MAF: variants seen among roughly 807,000 people sequenced by gnomAD.
MAF encodes MAF bZIP transcription factor.
Under a neutral mutation model 22.0 loss-of-function variants are expected in MAF, and 10 were observed. That is an observed-to-expected ratio of 0.45 (90% CI 0.28 to 0.77). The LOEUF (loss-of-function observed/expected upper bound fraction) is 0.77. Among genes scored for constraint, MAF ranks in the 30% least tolerant of loss-of-function variants. The pLI, the probability that MAF is intolerant of heterozygous loss-of-function variation, is 0.12. For missense variants in MAF, 544 were observed against 548.4 expected (o/e 0.99, Z 0.08); for synonymous variants, 337 against 255.8 (o/e 1.32, Z -3.03).
chr16:79,376,525 T>A, the MAF span, among the ~76,000 whole-genome samples: 4 of 152,238 alleles, frequency 2.6e-5, no homozygotes, highest in South Asian at 2.1e-4. Flanking sequence ...TATTTTATTT[T>A]TTTTCTTTTT....
the MAF span, among the ~76,000 whole-genome samples, chr16:79,368,954 T>C: frequency 6.6e-6 from 1 of 152,246 alleles, no homozygotes. Context: ...AGTTGTTTTT[T>C]GTTGTTTTGC....
the MAF span, among the ~76,000 whole-genome samples, chr16:79,540,064 C>T: frequency 4.6e-5 from 7 of 151,976 alleles, no homozygotes; most frequent in Non-Finnish European, 8.8e-5. Context: ...GCTGTCCCTG[C>T]TAAGGGGAAG....
the MAF span, among the ~76,000 whole-genome samples, chr16:79,316,605 C>T: frequency 6.6e-6 from 1 of 152,176 alleles, no homozygotes; most frequent in Admixed American, 6.5e-5. Context: ...CAGTCACTCC[C>T]CTTGAGTGTC....
chr16:79,440,579 G>A, the MAF span, among the ~76,000 whole-genome samples: 6 of 152,238 alleles, frequency 3.9e-5, no homozygotes, highest in African/African-American at 1.4e-4. Context: ...GGAACTACAG[G>A]TATGCGCCAC....
At chr16:79,227,411 G>C in the MAF span, among the ~76,000 whole-genome samples, 2 of 152,096 alleles carry the variant, frequency 1.3e-5, no homozygotes, top group Non-Finnish European at 2.9e-5. Flanking sequence ...TTTCATTGCT[G>C]TGTGTGTATG....
At chr16:79,483,464 A>T in the MAF span, among the ~76,000 whole-genome samples, 1 of 151,060 alleles carries the variant, frequency 6.6e-6, no homozygotes, top group Non-Finnish European at 1.5e-5. Context: ...CCATGCTGGC[A>T]TGGAGTGGAC....
chr16:79,445,851 G>A, the MAF span, among the ~76,000 whole-genome samples: 29 of 152,150 alleles, frequency 1.9e-4, no homozygotes, highest in African/African-American at 6.8e-4. Context: ...TTTCAAACCA[G>A]CTTTTAGCCT....
chr16:79,357,318 C>T, the MAF span, among the ~76,000 whole-genome samples: 57,293 of 150,492 alleles, frequency 0.38, 12,282 homozygotes, highest in Non-Finnish European at 0.51. Context: ...CCTGTGGTGG[C>T]GGGCGCCTGT....
the MAF span, among the ~76,000 whole-genome samples, chr16:79,479,244 T>G: frequency 1.2e-4 from 19 of 152,364 alleles, 1 homozygote; most frequent in African/African-American, 4.6e-4. Context: ...AGCCTACCTG[T>G]GTCATACCTT....
At chr16:79,313,393 C>G in the MAF span, among the ~76,000 whole-genome samples, 1 of 152,200 alleles carries the variant, frequency 6.6e-6, no homozygotes, top group African/African-American at 2.4e-5. Context: ...ACTAGACCCT[C>G]TCAACAGTAA....
chr16:79,316,422 C>A, the MAF span, among the ~76,000 whole-genome samples: 1 of 152,208 alleles, frequency 6.6e-6, no homozygotes, highest in African/African-American at 2.4e-5. Context: ...TGCCTCCTCC[C>A]TGACATACAC....
At chr16:79,299,675 G>A in the MAF span, among the ~76,000 whole-genome samples, 5 of 152,082 alleles carry the variant, frequency 3.3e-5, no homozygotes, top group Admixed American at 6.5e-5. Context: ...CAGTGACATG[G>A]CACAGTGACA....
At chr16:79,207,370 C>A in the MAF span, among the ~76,000 whole-genome samples, 3 of 152,252 alleles carry the variant, frequency 2.0e-5, no homozygotes, top group African/African-American at 7.2e-5. Context: ...TTCAGATCAC[C>A]ACTTTGTCCT....
chr16:79,557,959 C>T, the MAF span, among the ~76,000 whole-genome samples: 1 of 151,080 alleles, frequency 6.6e-6, no homozygotes, highest in Non-Finnish European at 1.5e-5. Flanking sequence ...ATGGGTGCTT[C>T]AGGGAAGGGC....
intron 1 of MAF, chr16:79,596,059 G>C (rs1052917999): frequency 7.2e-5 from 76 of 1,061,974 alleles, no homozygotes; most frequent in Non-Finnish European, 8.7e-5. Flanking sequence ...GGCAAGCGCT[G>C]TTTCTCTTTA....
At chr16:79,416,737 T>G in the MAF span, among the ~76,000 whole-genome samples, 1 of 152,218 alleles carries the variant, frequency 6.6e-6, no homozygotes, top group African/African-American at 2.4e-5. Flanking sequence ...TAGAAGACCC[T>G]GCTGACCAGA....
At chr16:79,235,964 A>C in the MAF span, among the ~76,000 whole-genome samples, 4 of 151,962 alleles carry the variant, frequency 2.6e-5, no homozygotes, top group South Asian at 2.1e-4. Context: ...TTCTCTCCTA[A>C]AATTGTTCTC....
chr16:79,562,611 G>A, the MAF span, among the ~76,000 whole-genome samples: 26,258 of 152,150 alleles, frequency 0.17, 2,824 homozygotes, highest in Non-Finnish European at 0.24. Context: ...ACAGACCTAA[G>A]AACACAAATT....
At chr16:79,401,983 G>T in the MAF span, among the ~76,000 whole-genome samples, 1 of 152,196 alleles carries the variant, frequency 6.6e-6, no homozygotes, top group African/African-American at 2.4e-5. Flanking sequence ...TTTTATAGAT[G>T]AGGACCCTGA....
Sources: allele counts gnomAD v4.1 joint callset (sites outside exome capture counted in the v4.1 genomes callset), GRCh38; gene constraint gnomAD v4.1.1; transcripts MANE v1.5; gene names NCBI Gene and HGNC (gene_info 2026-07-23, HGNC 2026-07-21).